EPB41L4A: variants seen among roughly 807,000 people sequenced by gnomAD.
EPB41L4A encodes band 4.1-like protein 4A.
EPB41L4A carries 100 observed loss-of-function variants against 108.6 expected under a neutral mutation model. The ratio of observed to expected loss-of-function variants is 0.92; its 90% CI spans 0.78 to 1.09. EPB41L4A has a LOEUF of 1.09. EPB41L4A is among the 50% of genes least tolerant of loss of function. The pLI, the probability that EPB41L4A is intolerant of heterozygous loss-of-function variation, is 0.00. For missense variants in EPB41L4A, 1,030 were observed against 842.7 expected (o/e 1.22, Z -2.75); for synonymous variants, 319 against 289.0 (o/e 1.10, Z -1.05).
At chr5:112,249,426 T>C (rs1404926920) in intron 9 of EPB41L4A, among the ~76,000 whole-genome samples, 1 of 152,180 alleles carries the variant, frequency 6.6e-6, no homozygotes. Flanking sequence ...CAACTGGAAA[T>C]AGATACCAAA....
chr5:112,203,536 C>T (rs1237386666), intron 15 of EPB41L4A, among the ~76,000 whole-genome samples: 1 of 152,176 alleles, frequency 6.6e-6, no homozygotes, highest in African/African-American at 2.4e-5. Context: ...GCCTGCTTTG[C>T]AGAGAGGTCC....
chr5:112,269,458 G>A (rs1752108006), intron 4 of EPB41L4A, among the ~76,000 whole-genome samples: 7 of 152,018 alleles, frequency 4.6e-5, no homozygotes, highest in Admixed American at 3.3e-4. Flanking sequence ...TATATTTTAT[G>A]GGGTTTATAG....
chr5:112,297,134 T>C (rs1754043225), intron 2 of EPB41L4A, among the ~76,000 whole-genome samples: 1 of 152,148 alleles, frequency 6.6e-6, no homozygotes, highest in Admixed American at 6.5e-5. Flanking sequence ...GTATGACTTC[T>C]TTTCCTCTGG....
intron 6 of EPB41L4A, among the ~76,000 whole-genome samples, chr5:112,262,972 A>C (rs1751597906): frequency 6.6e-6 from 1 of 152,210 alleles, no homozygotes; most frequent in Admixed American, 6.5e-5. Context: ...AGGGAACTAG[A>C]GCAATGGTCA....
intron 2 of EPB41L4A, among the ~76,000 whole-genome samples, chr5:112,287,021 C>G (rs953507582): frequency 9.9e-5 from 15 of 152,224 alleles, no homozygotes; most frequent in African/African-American, 3.1e-4. Flanking sequence ...CCTCCCGTCT[C>G]ACTGGCCACG....
In EPB41L4A at chr5:112,356,640, A is replaced by T. The variant is rs142194669; in HGVS notation, c.100-49150T>A. On this transcript the variant is annotated intron_variant, in intron 1 of 22. Coordinates refer to ENST00000261486, the MANE Select transcript of EPB41L4A (RefSeq NM_022140.5). ...CTGTAACAACTCTCCCCTCTGCCAT[A>T]ATCTAGTCTCCAGAGACCTTAATCA... 2.0e-5 allele frequency among the ~76,000 whole-genome samples: 3 copies of T among 152,176 alleles called. No individual in the cohort carries two copies. In the East Asian group the frequency reaches 5.8e-4, roughly 29 times the overall value.
At chr5:112,389,681 T>A (rs2112661028) in intron 1 of EPB41L4A, among the ~76,000 whole-genome samples, 1 of 152,368 alleles carries the variant, frequency 6.6e-6, no homozygotes. Flanking sequence ...TAAAGGCAAC[T>A]TCCTCTGCCC....
intron 3 of EPB41L4A, among the ~76,000 whole-genome samples, chr5:112,277,690 A>G (rs886485027): frequency 6.6e-6 from 1 of 152,210 alleles, no homozygotes; most frequent in Admixed American, 6.5e-5. Context: ...GAAATACAAA[A>G]TAATAATACC....
At chr5:112,282,561 G>C (rs1228188662) in intron 2 of EPB41L4A, among the ~76,000 whole-genome samples, 2 of 152,216 alleles carry the variant, frequency 1.3e-5, no homozygotes, top group African/African-American at 4.8e-5. Context: ...ATGTCAGCCT[G>C]CTGGGGTCTT....
intron 17 of EPB41L4A, among the ~76,000 whole-genome samples, chr5:112,190,257 C>T (rs1414440611): frequency 6.6e-6 from 1 of 152,038 alleles, no homozygotes; most frequent in Non-Finnish European, 1.5e-5. Flanking sequence ...TTTCATTTCC[C>T]AGTAACAATG....
rs935555534 is a variant in EPB41L4A, at chr5:112,163,570, C to T, written c.*1420G>A. 1.3e-5 allele frequency: 2 copies of T among 152,066 alleles called. No individual in the cohort carries two copies. The highest frequency in any genetic ancestry group is 4.8e-5 in the African/African-American group (2 of 41,402). 9.4% of individuals were successfully genotyped at this position (152,066 alleles called of 1,614,324 possible). On this transcript the variant is annotated 3_prime_UTR_variant, in exon 23 of 23. Coordinates refer to ENST00000261486, the MANE Select transcript of EPB41L4A (RefSeq NM_022140.5). ...TTATATTAAAGAAGCAAAAGAATGT[C>T]CTAAAAATTCTCCCTGGGATTAAGT... is the stretch of plus-strand genomic sequence containing the variant.
chr5:112,222,638 T>C (rs1369074788), intron 12 of EPB41L4A, among the ~76,000 whole-genome samples: 3 of 152,202 alleles, frequency 2.0e-5, no homozygotes, highest in Admixed American at 1.3e-4. Context: ...TCCATTCTTC[T>C]TTCTCTGCAA....
intron 12 of EPB41L4A, among the ~76,000 whole-genome samples, chr5:112,212,097 T>C (rs77336708): frequency 3.9e-4 from 59 of 152,308 alleles, no homozygotes; most frequent in African/African-American, 1.2e-3. Context: ...CCAGTCACCA[T>C]CTTAGTCAAT....
In EPB41L4A at chr5:112,286,298, C is replaced by T. The variant is rs551205942; in HGVS notation, c.205-5975G>A. Among the ~76,000 whole-genome samples the T allele has an allele frequency of 2.0e-5, 3 of 152,300 alleles. No individual in the cohort carries two copies. The South Asian group carries it at 6.2e-4, about 32-fold the overall frequency. On this transcript the variant is annotated intron_variant, in intron 2 of 22. Transcript: ENST00000261486. ...ATGGGTAACTCCAATTCCCCGCATT[C>T]TCCATGCTAGCACCCAAGGAGCTGA...
At chr5:112,213,857 T>C (rs920668557) in intron 12 of EPB41L4A, among the ~76,000 whole-genome samples, 2 of 152,340 alleles carry the variant, frequency 1.3e-5, no homozygotes, top group African/African-American at 4.8e-5. Flanking sequence ...CATTAGGCAA[T>C]ATGTTTTAGT....
At chr5:112,182,292 T>C (rs1037391009) in intron 18 of EPB41L4A, among the ~76,000 whole-genome samples, 20 of 152,212 alleles carry the variant, frequency 1.3e-4, no homozygotes, top group Non-Finnish European at 1.5e-4. Context: ...GGCTGTTAAA[T>C]GAACCTCCGA....
At chr5:112,406,678 G>A (rs1410962621) in intron 1 of EPB41L4A, among the ~76,000 whole-genome samples, 2 of 152,036 alleles carry the variant, frequency 1.3e-5, no homozygotes, top group East Asian at 3.9e-4. Context: ...GGGAGGTGAT[G>A]GGATTGGCAG....
chr5:112,322,927 C>A (rs1368627248), intron 1 of EPB41L4A, among the ~76,000 whole-genome samples: 1 of 148,832 alleles, frequency 6.7e-6, no homozygotes, highest in Admixed American at 6.9e-5. Context: ...ATGAAAAAGA[C>A]AGAAGAAGGT....
chr5:112,176,413 C>A (rs1475782150), intron 18 of EPB41L4A, among the ~76,000 whole-genome samples: 1 of 152,176 alleles, frequency 6.6e-6, no homozygotes, highest in African/African-American at 2.4e-5. Flanking sequence ...TTTCCATTAA[C>A]TGCCTACTTG....
Sources: gnomAD v4.1 joint callset for allele counts (sites outside exome capture counted in the v4.1 genomes callset) on GRCh38, gnomAD v4.1.1 for gene constraint, MANE v1.5 for transcripts, NCBI Gene and HGNC (gene_info 2026-07-23, HGNC 2026-07-21) for gene names.